INPP4B: variants seen among roughly 807,000 people sequenced by gnomAD.
INPP4B encodes inositol polyphosphate 4-phosphatase type II.
A neutral mutation model predicts 122.5 loss-of-function variants in INPP4B; 55 were observed. The observed-to-expected ratio is 0.45, with a 90% CI of 0.36 to 0.56. The LOEUF (loss-of-function observed/expected upper bound fraction) is 0.56, where lower values mean the gene tolerates loss of function less well. Among genes scored for constraint, INPP4B ranks in the 20% least tolerant of loss-of-function variants. The pLI is 0.00. For synonymous variants in INPP4B, 403 were observed against 388.7 expected, an observed-to-expected ratio of 1.04 and a Z score of -0.43; for missense variants, 1,000 against 1,097.7, an observed-to-expected ratio of 0.91 and a Z score of 1.26.
chr4:142,467,696 A>G (rs933737848), intron 2 of INPP4B, among the ~76,000 whole-genome samples: 3 of 152,110 alleles, frequency 2.0e-5, no homozygotes, highest in African/African-American at 7.2e-5. Context: ...TTGAAATGTG[A>G]GAAAGACATG....
At chr4:142,101,789 A>G (rs914085991) in intron 23 of INPP4B, among the ~76,000 whole-genome samples, 13 of 152,148 alleles carry the variant, frequency 8.5e-5, no homozygotes, top group African/African-American at 3.1e-4. Context: ...TTCATTTTGA[A>G]AACAAAATCT....
intron 2 of INPP4B, among the ~76,000 whole-genome samples, chr4:142,625,435 G>A (rs931603626): frequency 2.0e-4 from 31 of 152,034 alleles, no homozygotes; most frequent in African/African-American, 7.2e-4. Flanking sequence ...GGGATGTGAA[G>A]GACCTCTTCA....
At chr4:142,640,431 G>A (rs529828902) in intron 2 of INPP4B, among the ~76,000 whole-genome samples, 1 of 152,126 alleles carries the variant, frequency 6.6e-6, no homozygotes, top group African/African-American at 2.4e-5. Flanking sequence ...TAGAGCTGTA[G>A]GGTAATGATT....
intron 2 of INPP4B, among the ~76,000 whole-genome samples, chr4:142,548,384 G>A (rs1037909125): frequency 6.6e-6 from 1 of 151,990 alleles, no homozygotes; most frequent in Non-Finnish European, 1.5e-5. Flanking sequence ...ACACAAAAAA[G>A]GTCATGAAAG....
chr4:142,378,348 T>G (rs1367930846), intron 7 of INPP4B, among the ~76,000 whole-genome samples: 1 of 152,156 alleles, frequency 6.6e-6, no homozygotes, highest in Non-Finnish European at 1.5e-5. Flanking sequence ...TGAGCCTGAT[T>G]TTCCCATAAC....
chr4:142,842,837 C>A (rs1311695670), intron 1 of INPP4B, among the ~76,000 whole-genome samples: 1 of 128,930 alleles, frequency 7.8e-6, no homozygotes, highest in Non-Finnish European at 1.6e-5. Context: ...ATTTATATAT[C>A]ATATATATCA....
rs556216837 is a variant in INPP4B at position 142,309,515 on chromosome 4, A to AGGAACTGGGGCCTCTAAGAG, written c.424-3998_424-3979dup. 3.3e-3 allele frequency among the ~76,000 whole-genome samples: 507 copies of AGGAACTGGGGCCTCTAAGAG among 152,304 alleles called. 2 individuals carry two copies. Among genetic ancestry groups the AGGAACTGGGGCCTCTAAGAG allele is most frequent in the African/African-American group, 0.011 (470 of 41,560 alleles). ...TTAAGGCCCTGATAGTCTGTAGATA[A>AGGAACTGGGGCCTCTAAGAG]GGAACTGGGGCCTCTAAGAGTAAAC... On this transcript the variant is annotated intron_variant, in intron 8 of 25. Coordinates refer to ENST00000262992, the MANE Select transcript of INPP4B (RefSeq NM_001101669.3).
intron 23 of INPP4B, among the ~76,000 whole-genome samples, chr4:142,105,642 A>G (rs973622287): frequency 1.3e-5 from 2 of 152,200 alleles, no homozygotes; most frequent in Non-Finnish European, 2.9e-5. Flanking sequence ...TCTTTGGAGA[A>G]GAAACACTTT....
chr4:142,104,840 A>C (rs1221789944), intron 23 of INPP4B, among the ~76,000 whole-genome samples: 1 of 152,188 alleles, frequency 6.6e-6, no homozygotes, highest in East Asian at 1.9e-4. Flanking sequence ...ATGCAATATA[A>C]ATTCTATGTA....
chr4:142,550,589 T>TACACACAC (rs113408746), intron 2 of INPP4B, among the ~76,000 whole-genome samples: 3,831 of 140,514 alleles, frequency 0.027, 170 homozygotes, highest in African/African-American at 0.09. Flanking sequence ...ATGTAATATA[T>TACACACAC]ACACACACAC....
At chr4:142,196,971 A>C (rs932021622) in intron 14 of INPP4B, among the ~76,000 whole-genome samples, 2 of 151,806 alleles carry the variant, frequency 1.3e-5, no homozygotes, top group African/African-American at 4.8e-5. Context: ...CTAAAAATAC[A>C]GAAAATTAGC....
At chr4:142,329,169 A>G (rs1405059897) in intron 7 of INPP4B, among the ~76,000 whole-genome samples, 5 of 152,252 alleles carry the variant, frequency 3.3e-5, no homozygotes, top group Non-Finnish European at 7.3e-5. Context: ...AAATATTAAA[A>G]TACGGTAATA....
At chr4:142,104,342 A>T (rs560112090) in intron 23 of INPP4B, among the ~76,000 whole-genome samples, 1 of 152,164 alleles carries the variant, frequency 6.6e-6, no homozygotes, top group Non-Finnish European at 1.5e-5. Flanking sequence ...CTAACACAAA[A>T]TGTAAGTGTC....
At chr4:142,126,272 C>T (rs1384052812) in intron 18 of INPP4B, among the ~76,000 whole-genome samples, 1 of 152,072 alleles carries the variant, frequency 6.6e-6, no homozygotes, top group Non-Finnish European at 1.5e-5. Flanking sequence ...ATGATCTCCT[C>T]ATCATAAAAG....
chr4:142,173,744 T>C lies in INPP4B; in HGVS notation c.1247A>G (p.Asn416Ser). Residue 416 changes from asparagine to serine, a missense_variant, in exon 16 of 26, where the codon AAC (asparagine) becomes AGC (serine). By Grantham distance (46) the Asn-to-Ser change is conservative. Transcript: ENST00000262992. Reference sequence around the variant, plus strand: ...TATAAGAGGTTGTAGTTGATTGATGTTGCTGAGAACTTCCTTTGCTTTGGC... The same window carrying C: ...TATAAGAGGTTGTAGTTGATTGATGCTGCTGAGAACTTCCTTTGCTTTGGC... ...NTAKAKEVLS[N>S]INQLQPLIAT... 1 of 1,613,382 alleles carries C rather than the reference T, an allele frequency of 6.2e-7. No individual in the cohort carries two copies. The highest frequency in any genetic ancestry group is 8.5e-7 in the Non-Finnish European group (1 of 1,179,508).
chr4:142,285,288 T>A (rs1232891589), intron 9 of INPP4B, among the ~76,000 whole-genome samples: 1 of 151,720 alleles, frequency 6.6e-6, no homozygotes, highest in Non-Finnish European at 1.5e-5. Context: ...TCACAAGAAG[T>A]CTGGGAGGAG....
intron 3 of INPP4B, among the ~76,000 whole-genome samples, chr4:142,433,366 C>T (rs891027022): frequency 6.6e-6 from 1 of 152,094 alleles, no homozygotes; most frequent in South Asian, 2.1e-4. Flanking sequence ...TCTACTCAGG[C>T]CAGTTCTCAC....
intron 2 of INPP4B, among the ~76,000 whole-genome samples, chr4:142,652,029 G>A (rs1168346861): frequency 1.3e-5 from 2 of 152,022 alleles, no homozygotes; most frequent in African/African-American, 4.8e-5. Context: ...ACCACTATCA[G>A]GTCAGCTTCA....
At chr4:142,665,997 A>G (rs1048530759) in intron 2 of INPP4B, among the ~76,000 whole-genome samples, 1 of 152,192 alleles carries the variant, frequency 6.6e-6, no homozygotes, top group African/African-American at 2.4e-5. Flanking sequence ...TTCCAACAAG[A>G]TACTGTAATA....
Sources: gnomAD v4.1 joint callset for allele counts (sites outside exome capture counted in the v4.1 genomes callset) on GRCh38, gnomAD v4.1.1 for gene constraint, MANE v1.5 for transcripts, NCBI Gene and HGNC (gene_info 2026-07-23, HGNC 2026-07-21) for gene names.